The following SNX27 variants were observed in gnomAD, a reference collection of about 807,000 sequenced individuals.
SNX27 encodes the protein sorting nexin-27.
A neutral mutation model predicts 71.6 loss-of-function variants in SNX27; 22 were observed. The ratio of observed to expected loss-of-function variants is 0.31; its 90% CI spans 0.22 to 0.44. The LOEUF is 0.44. SNX27 is among the 20% of genes least tolerant of loss of function. SNX27 has a pLI of 1.00. For synonymous variants in SNX27, 269 were observed against 277.2 expected, an observed-to-expected ratio of 0.97 and a Z score of 0.29; for missense variants, 531 against 698.6, an observed-to-expected ratio of 0.76 and a Z score of 2.70.
chr1:151,612,069 G>A lies in SNX27; in HGVS notation c.-133G>A. The A allele has an allele frequency of 9.7e-7, 1 of 1,031,754 alleles. No homozygotes were observed. Among genetic ancestry groups the A allele is most frequent in the Non-Finnish European group, 1.3e-6 (1 of 787,130 alleles). 63.9% of individuals were successfully genotyped at this position (1,031,754 alleles called of 1,614,324 possible). On this transcript the variant is annotated 5_prime_UTR_variant, in exon 1 of 12. In the 5' UTR this introduces an upstream ATG that the reference lacks. Transcript: ENST00000458013. The surrounding 1 kb of genome is among the most constrained non-coding windows in gnomAD (Gnocchi z 5.2). ...CTCTTCACCCCGCGCCAGCAGCTCG[G>A]TGGCCGAGTCGGTCCCGCGGCCGGC...
chr1:151,689,321 C>G (rs1671332043), intron 8 of SNX27, among the ~76,000 whole-genome samples: 1 of 152,104 alleles, frequency 6.6e-6, no homozygotes, highest in African/African-American at 2.4e-5. Context: ...TTGTCAGGCT[C>G]CAGTGCATAT....
In SNX27 at chr1:151,668,530, A is replaced by G. The variant is rs1670314569; in HGVS notation, c.1044A>G (p.Ser348=). The G allele has an allele frequency of 2.5e-6, 4 of 1,614,082 alleles. No homozygotes were observed. The highest frequency in any genetic ancestry group is 3.4e-6 in the Non-Finnish European group (4 of 1,179,960). Residue 348 remains serine, a synonymous_variant, in exon 7 of 12, where the codon TCA becomes TCG. Transcript: ENST00000458013. ...AACTCTACATTCAGAATTATACATC[A>G]GCTGTGCCAGGCACCTGCTTGACCA... ...PHKLYIQNYT[S]AVPGTCLTIR...
intron 8 of SNX27, among the ~76,000 whole-genome samples, chr1:151,689,884 G>T (rs1244525392): frequency 6.6e-6 from 1 of 150,768 alleles, no homozygotes; most frequent in Non-Finnish European, 1.5e-5. Context: ...TCAGTCTGTT[G>T]CCCAGGCAGG....
chr1:151,697,352 T>C lies in SNX27; in HGVS notation c.*2935T>C, dbSNP rs767841979. 2.0e-5 allele frequency: 3 copies of C among 152,218 alleles called. No individual in the cohort carries two copies. The highest frequency in any genetic ancestry group is 4.4e-5 in the Non-Finnish European group (3 of 68,062). The allele number at this position is 152,218 out of a possible 1,614,324, so 9.4% of individuals were successfully genotyped here. On this transcript the variant is annotated 3_prime_UTR_variant, in exon 12 of 12. Coordinates refer to ENST00000458013, the MANE Select transcript of SNX27 (RefSeq NM_001330723.2). ...CAGCTTGAATGCTGACCTTCAGACA[T>C]GAGACATAGGGATTTGGAGGCCCCT...
intron 6 of SNX27, 137 bp from the exon 7 acceptor site, chr1:151,668,335 C>A: frequency 1.3e-6 from 1 of 757,314 alleles, no homozygotes; most frequent in Non-Finnish European, 2.0e-6. Context: ...GCTCCCAAGG[C>A]AGAACTCCTT....
intron 2 of SNX27, among the ~76,000 whole-genome samples, chr1:151,657,926 G>A (rs1354676896): frequency 1.3e-5 from 2 of 151,994 alleles, no homozygotes; most frequent in Admixed American, 6.6e-5. Flanking sequence ...GCTTGAACCC[G>A]GGAGGCGGAG....
chr1:151,692,325 T>C (rs1216988753), intron 8 of SNX27, 110 bp from the exon 9 acceptor site: 1 of 1,342,500 alleles, frequency 7.4e-7, no homozygotes, highest in Non-Finnish European at 9.7e-7. Flanking sequence ...AGAATACTCT[T>C]TGTTCTTTTT....
At chr1:151,688,712 G>A (rs1195993828) in intron 8 of SNX27, among the ~76,000 whole-genome samples, 2 of 151,756 alleles carry the variant, frequency 1.3e-5, no homozygotes, top group Admixed American at 6.6e-5. Context: ...TTTAGGTTTA[G>A]GGACACGTGC....
intron 2 of SNX27, among the ~76,000 whole-genome samples, chr1:151,654,107 A>C (rs1030496200): frequency 3.3e-5 from 5 of 152,192 alleles, no homozygotes; most frequent in African/African-American, 4.8e-5. Flanking sequence ...CTGGGATTAC[A>C]GGCGTGAGCC....
intron 1 of SNX27, among the ~76,000 whole-genome samples, chr1:151,621,924 T>C (rs1314973432): frequency 6.6e-6 from 1 of 152,238 alleles, no homozygotes; most frequent in Non-Finnish European, 1.5e-5. Flanking sequence ...TTTTGTTCTC[T>C]CTACCTGAGG....
intron 2 of SNX27, among the ~76,000 whole-genome samples, chr1:151,651,474 C>T (rs1303548879): frequency 6.7e-6 from 1 of 150,278 alleles, no homozygotes; most frequent in Non-Finnish European, 1.5e-5. Flanking sequence ...AGGGGCTCCT[C>T]ACTTCTCAGA....
intron 2 of SNX27, among the ~76,000 whole-genome samples, chr1:151,652,218 G>C (rs1285811201): frequency 9.3e-6 from 1 of 107,540 alleles, no homozygotes; most frequent in Non-Finnish European, 2.0e-5. Context: ...GAGAGGGAGA[G>C]GGAGAGGGAG....
intron 10 of SNX27, 137 bp downstream of exon 10, chr1:151,693,176 C>T (rs1407083688): frequency 7.0e-6 from 9 of 1,285,646 alleles, no homozygotes; most frequent in Non-Finnish European, 9.7e-6. Flanking sequence ...CTGGAGCCCC[C>T]AGATTCATCC....
intron 2 of SNX27, among the ~76,000 whole-genome samples, chr1:151,654,539 G>T (rs1417910853): frequency 6.6e-6 from 1 of 152,032 alleles, no homozygotes; most frequent in East Asian, 1.9e-4. Flanking sequence ...TGAAGAAGTG[G>T]ATCTTTGCCT....
In SNX27 at chr1:151,698,341, A is replaced by G. The variant is rs530924708; in HGVS notation, c.*3924A>G. ...AGGTAGTTTTCTTGAAGGGGACTGC[A>G]TCCTAGTTGACCTGAATTTTCCAGA... On this transcript the variant is annotated 3_prime_UTR_variant, in exon 12 of 12. Transcript: ENST00000458013. 1.3e-5 allele frequency: 2 copies of G among 152,702 alleles called. No homozygotes were observed. Among genetic ancestry groups the G allele is most frequent in the South Asian group, 2.1e-4 (1 of 4,828 alleles). 9.5% of individuals were successfully genotyped at this position (152,702 alleles called of 1,614,324 possible).
intron 2 of SNX27, 50 bp from the exon 3 acceptor site, chr1:151,658,185 G>A: frequency 6.6e-7 from 1 of 1,520,840 alleles, no homozygotes; most frequent in Non-Finnish European, 8.9e-7. Flanking sequence ...ATGATTTTGT[G>A]ATTTAATTTG....
At chr1:151,618,328 C>G (rs936566824) in intron 1 of SNX27, among the ~76,000 whole-genome samples, 5 of 152,156 alleles carry the variant, frequency 3.3e-5, no homozygotes, top group Non-Finnish European at 7.4e-5. Flanking sequence ...TTATTGCTAT[C>G]TTTACCCTGT....
chr1:151,698,984 G>A lies in SNX27; in HGVS notation c.*4567G>A, dbSNP rs1258492863. 3 of 152,582 alleles carry A rather than the reference G, an allele frequency of 2.0e-5. No individual in the cohort carries two copies. The highest frequency in any genetic ancestry group is 4.4e-5 in the Non-Finnish European group (3 of 68,016). 9.5% of individuals were successfully genotyped at this position (152,582 alleles called of 1,614,324 possible). On this transcript the variant is annotated 3_prime_UTR_variant, in exon 12 of 12. Transcript: ENST00000458013. ...GCTAACATTGTTTCTTTCATTCCTT[G>A]TTCTAGAGCTAACCACTCTAAAATT... is the stretch of plus-strand genomic sequence containing the variant.
chr1:151,680,781 C>A (rs537976893), intron 7 of SNX27, among the ~76,000 whole-genome samples: 4 of 152,096 alleles, frequency 2.6e-5, no homozygotes, highest in Non-Finnish European at 5.9e-5. Flanking sequence ...TTATTTATTT[C>A]CCCCCTCTAC....
Sources: gnomAD v4.1 joint callset for allele counts (sites outside exome capture counted in the v4.1 genomes callset) on GRCh38, gnomAD v4.1.1 for gene constraint, Gnocchi (gnomAD v3.1) non-coding constraint, MANE v1.5 for transcripts, NCBI Gene and HGNC (gene_info 2026-07-23, HGNC 2026-07-21) for gene names.